Variants in BAZ2B observed in about 807,000 individuals in gnomAD.
BAZ2B encodes the protein bromodomain adjacent to zinc finger domain protein 2B.
Under a neutral mutation model 246.0 loss-of-function variants are expected in BAZ2B, and 91 were observed. That is an observed-to-expected ratio of 0.37 (90% CI 0.31 to 0.44). The LOEUF (loss-of-function observed/expected upper bound fraction) is 0.44. Ranked by LOEUF, BAZ2B falls within the 20% of genes least tolerant of loss-of-function variation. The pLI is 1.00. For synonymous variants in BAZ2B, 855 were observed against 860.0 expected (o/e 0.99, Z 0.10); for missense variants, 2,332 against 2,533.7 (o/e 0.92, Z 1.71).
chr2:159,576,742 T>A (rs1685407868), intron 1 of BAZ2B, among the ~76,000 whole-genome samples: 1 of 150,378 alleles, frequency 6.6e-6, no homozygotes. Flanking sequence ...TGAAACCCCG[T>A]CTCTACTAAA....
At chr2:159,549,680 G>C (rs1245827454) in intron 2 of BAZ2B, among the ~76,000 whole-genome samples, 1 of 151,706 alleles carries the variant, frequency 6.6e-6, no homozygotes, top group Non-Finnish European at 1.5e-5. Flanking sequence ...ACTGATAGCT[G>C]TCCTGGGCTG....
At chr2:159,664,998 C>T in the BAZ2B span, among the ~76,000 whole-genome samples, 1,798 of 150,950 alleles carry the variant, frequency 0.012, 9 homozygotes, top group Non-Finnish European at 0.018. Flanking sequence ...GCAACTTCAG[C>T]AAAGTCTCAG....
chr2:159,489,439 C>T (rs2080201631), intron 2 of BAZ2B, among the ~76,000 whole-genome samples: 1 of 152,090 alleles, frequency 6.6e-6, no homozygotes, highest in African/African-American at 2.4e-5. Context: ...AACAAAATGT[C>T]TGAGATTCAT....
intron 2 of BAZ2B, among the ~76,000 whole-genome samples, chr2:159,551,908 A>C (rs1460768819): frequency 6.6e-6 from 1 of 152,212 alleles, no homozygotes; most frequent in Admixed American, 6.5e-5. Flanking sequence ...ATGTTTATTT[A>C]ATATTCCAGA....
intron 34 of BAZ2B, among the ~76,000 whole-genome samples, chr2:159,328,544 T>C (rs2064128335): frequency 6.6e-6 from 1 of 152,168 alleles, no homozygotes; most frequent in Non-Finnish European, 1.5e-5. Flanking sequence ...ATTAGTGGGT[T>C]CTGGAACATG....
intron 34 of BAZ2B, among the ~76,000 whole-genome samples, chr2:159,327,125 T>G (rs536625957): frequency 1.3e-5 from 2 of 150,764 alleles, no homozygotes; most frequent in South Asian, 4.2e-4. Context: ...AATCATGGCT[T>G]ACTGCAGCCT....
intron 14 of BAZ2B, among the ~76,000 whole-genome samples, chr2:159,411,678 C>A (rs1414815569): frequency 6.6e-6 from 1 of 152,150 alleles, no homozygotes; most frequent in Non-Finnish European, 1.5e-5. Flanking sequence ...TTTTACTCAG[C>A]CTTCTCTTTG....
rs1358776590 is a variant in BAZ2B, at chr2:159,453,707, A to C, written c.240T>G (p.His80Gln). Residue 80 changes from histidine (H) to glutamine (Q), a missense_variant, in exon 4 of 37, where the codon CAT (histidine) becomes CAG (glutamine). Coordinates refer to ENST00000392783, the MANE Select transcript of BAZ2B (RefSeq NM_013450.4). ...ATTCTGAATGCCCTGAGCTGGCTGA[A>C]TGTAGACCAAAGACTGGGTGGCTGA... ...PMVSHPVFGL[H>Q]SASSGHSEFG... The C allele has an allele frequency of 6.2e-7, 1 of 1,613,756 alleles. No individual in the cohort carries two copies. The highest frequency in any genetic ancestry group is 1.7e-5 in the Admixed American group (1 of 59,960).
chr2:159,442,748 T>C (rs184754628), intron 6 of BAZ2B, among the ~76,000 whole-genome samples: 129 of 152,330 alleles, frequency 8.5e-4, no homozygotes, highest in African/African-American at 2.9e-3. Flanking sequence ...AGTGGAATCA[T>C]ACAGTACAGT....
the BAZ2B span, among the ~76,000 whole-genome samples, chr2:159,698,898 ACT>A: frequency 6.6e-6 from 1 of 152,244 alleles, no homozygotes; most frequent in African/African-American, 2.4e-5. Flanking sequence ...GACAATATTT[ACT>A]CTGTCTAAAA....
chr2:159,710,701 T>C, the BAZ2B span: 1 of 152,150 alleles, frequency 6.6e-6, no homozygotes, highest in Admixed American at 6.5e-5. Context: ...GCATAGGAAA[T>C]TGGTGTCATA....
At chr2:159,473,110 G>T (rs2078031198) in intron 3 of BAZ2B, among the ~76,000 whole-genome samples, 1 of 151,952 alleles carries the variant, frequency 6.6e-6, no homozygotes, top group African/African-American at 2.4e-5. Context: ...GAATCTGTCT[G>T]GTCCTGGGCT....
chr2:159,455,763 G>GTT (rs60866580), intron 3 of BAZ2B, among the ~76,000 whole-genome samples: 677 of 64,600 alleles, frequency 0.01, 5 homozygotes, highest in Non-Finnish European at 0.013. Flanking sequence ...AAATATTGTG[G>GTT]TTTTTTTTTT....
intron 4 of BAZ2B, among the ~76,000 whole-genome samples, chr2:159,449,919 C>T (rs557397752): frequency 6.6e-6 from 1 of 152,124 alleles, no homozygotes; most frequent in South Asian, 2.1e-4. Flanking sequence ...ACTTGTAATC[C>T]CAGAGCTTTG....
At chr2:159,590,187 C>CAAAA (rs552786270) in intron 1 of BAZ2B, among the ~76,000 whole-genome samples, 2 of 20,334 alleles carry the variant, frequency 9.8e-5, no homozygotes, top group African/African-American at 4.9e-4. Flanking sequence ...GACTCCATCT[C>CAAAA]AAAAAAAAAA....
chr2:159,413,041 T>C (rs943412950), intron 13 of BAZ2B, among the ~76,000 whole-genome samples: 12 of 152,176 alleles, frequency 7.9e-5, no homozygotes, highest in African/African-American at 2.2e-4. Flanking sequence ...AATTAGTTAA[T>C]TGAAGAATTG....
chr2:159,411,947 T>C (rs1379720470), intron 14 of BAZ2B: 1 of 985,300 alleles, frequency 1.0e-6, no homozygotes, highest in Non-Finnish European at 1.2e-6. Flanking sequence ...ACTCCACAGA[T>C]CCACATATTT....
At chr2:159,393,852 C>T (rs372888985) in intron 20 of BAZ2B, among the ~76,000 whole-genome samples, 19 of 152,204 alleles carry the variant, frequency 1.2e-4, no homozygotes, top group African/African-American at 4.3e-4. Flanking sequence ...CCCAGATCTC[C>T]TTCACCTCTC....
intron 2 of BAZ2B, among the ~76,000 whole-genome samples, chr2:159,514,321 G>A (rs1019130799): frequency 8.6e-5 from 13 of 152,002 alleles, no homozygotes; most frequent in African/African-American, 2.7e-4. Flanking sequence ...TCTCCTTTGC[G>A]TCACCTTTAG....
Sources: allele counts gnomAD v4.1 joint callset (sites outside exome capture counted in the v4.1 genomes callset), GRCh38; gene constraint gnomAD v4.1.1; transcripts MANE v1.5; gene names NCBI Gene and HGNC (gene_info 2026-07-23, HGNC 2026-07-21).